The following MTHFSD variants were observed in gnomAD, a reference collection of about 807,000 sequenced individuals.
The protein encoded by MTHFSD is methenyltetrahydrofolate synthetase domain containing, also known as methenyltetrahydrofolate synthase domain-containing protein.
MTHFSD carries 37 observed loss-of-function variants against 31.1 expected under a neutral mutation model. That is an observed-to-expected ratio of 1.19 (90% CI 0.91 to 1.56). MTHFSD has a LOEUF of 1.56. Among genes scored for constraint, MTHFSD ranks in the 40% most tolerant of loss-of-function variants. MTHFSD has a pLI of 0.00. For missense variants in MTHFSD, 664 were observed against 510.1 expected (o/e 1.30, Z -2.91); for synonymous variants, 221 against 206.9 (o/e 1.07, Z -0.59).
chr16:86,537,456 A>G (rs529914370), intron 7 of MTHFSD, among the ~76,000 whole-genome samples: 38 of 152,214 alleles, frequency 2.5e-4, no homozygotes, highest in Non-Finnish European at 3.8e-4. Context: ...AGAGATTCAG[A>G]TAAGTCCTTA....
At position 86,548,681 on chromosome 16, in the gene MTHFSD, T is replaced by C. The variant is rs1053778156; in HGVS notation, c.238-104A>G. On this transcript the variant is annotated intron_variant, in intron 3 of 7. Coordinates refer to ENST00000360900, the MANE Select transcript of MTHFSD (RefSeq NM_001159377.2). Reference sequence around the variant, plus strand: ...CAGGAGAAGAGGCAAATTACTATTATCCGCATGGTTTTTTTTGGTGTGTGC... The same window carrying C: ...CAGGAGAAGAGGCAAATTACTATTACCCGCATGGTTTTTTTTGGTGTGTGC... 3.4e-6 allele frequency: 3 copies of C among 875,638 alleles called. No individual in the cohort carries two copies. In the African/African-American group the frequency reaches 5.2e-5, roughly 15 times the overall value. 54.2% of individuals were successfully genotyped at this position (875,638 alleles called of 1,614,324 possible).
chr16:86,540,956 A>G (rs1284204291), intron 7 of MTHFSD: 4 of 1,171,414 alleles, frequency 3.4e-6, no homozygotes, highest in Non-Finnish European at 4.3e-6. Context: ...TCATCCTTAG[A>G]GGTGATGTTG....
rs373255228 is a variant in MTHFSD at position 86,537,308 on chromosome 16, G to T, written c.681+4389C>A. 6.6e-5 allele frequency among the ~76,000 whole-genome samples: 10 copies of T among 152,162 alleles called. 1 individual carries two copies. Among genetic ancestry groups the T allele is most frequent in the East Asian group, 3.9e-4 (2 of 5,176 alleles). On this transcript the variant is annotated intron_variant, in intron 7 of 7. Transcript: ENST00000360900. ...AGCAGAATATGAAATTCCATATCAAGCATGTATAATATCATATCGTGCCTT... is the reference window on the plus strand; with the variant it reads ...AGCAGAATATGAAATTCCATATCAATCATGTATAATATCATATCGTGCCTT...
At chr16:86,545,199 A>G (rs554777474) in intron 5 of MTHFSD, among the ~76,000 whole-genome samples, 5 of 152,210 alleles carry the variant, frequency 3.3e-5, no homozygotes, top group African/African-American at 9.6e-5. Flanking sequence ...CTACACATGT[A>G]TCCCGGAACT....
At chr16:86,554,159 A>T (rs913911657) in intron 2 of MTHFSD, among the ~76,000 whole-genome samples, 1 of 152,088 alleles carries the variant, frequency 6.6e-6, no homozygotes, top group African/African-American at 2.4e-5. Flanking sequence ...CTTTGCAATA[A>T]ATCTTGCTGC....
At chr16:86,547,069 C>G in intron 4 of MTHFSD, 1 of 735,232 alleles carries the variant, frequency 1.4e-6, no homozygotes, top group Non-Finnish European at 1.7e-6. Flanking sequence ...AGGGACACCA[C>G]CCTCTGCCTC....
chr16:86,549,660 A>G (rs1972850147), intron 3 of MTHFSD, among the ~76,000 whole-genome samples: 1 of 152,224 alleles, frequency 6.6e-6, no homozygotes, highest in African/African-American at 2.4e-5. Context: ...TAGAATCACC[A>G]GCAAGCTTTA....
chr16:86,544,509 A>T (rs1007602169), intron 5 of MTHFSD, among the ~76,000 whole-genome samples: 2 of 152,260 alleles, frequency 1.3e-5, no homozygotes, highest in African/African-American at 4.8e-5. Context: ...AGAGGAATGC[A>T]AATCAAAACC....
chr16:86,541,206 T>C, intron 7 of MTHFSD: 1 of 1,287,978 alleles, frequency 7.8e-7, no homozygotes. Context: ...AATCTGGAGA[T>C]AAAAACCACA....
chr16:86,554,571 G>A, intron 2 of MTHFSD, 74 bp downstream of exon 2: 1 of 1,162,608 alleles, frequency 8.6e-7, no homozygotes, highest in Non-Finnish European at 1.3e-6. Flanking sequence ...CGCAGTAAGA[G>A]AATTTTATTA....
At position 86,532,012 on chromosome 16, in the gene MTHFSD, C is replaced by T. The variant is rs905510226; in HGVS notation, c.1151G>A (p.Ter384=). Residue 384 remains the stop codon, a stop_retained_variant, in exon 8 of 8, where the codon TGA becomes TAA. Coordinates refer to ENST00000360900, the MANE Select transcript of MTHFSD (RefSeq NM_001159377.2). ...TGAGCTCCGTGGCTGTCCACGAGGT[C>T]ACTTGTCCCTCTGCTGCCTGGCCAG... is the stretch of plus-strand genomic sequence containing the variant. ...VALARQQRDK[*] 26 of 1,469,536 alleles carry T rather than the reference C, an allele frequency of 1.8e-5. No homozygotes were observed. The highest frequency in any genetic ancestry group is 2.8e-5 in the African/African-American group (2 of 70,264). 91.0% of individuals were successfully genotyped at this position (1,469,536 alleles called of 1,614,324 possible).
intron 2 of MTHFSD, among the ~76,000 whole-genome samples, chr16:86,554,028 C>T (rs1973632452): frequency 6.6e-6 from 1 of 152,122 alleles, no homozygotes; most frequent in South Asian, 2.1e-4. Flanking sequence ...CCAATCGGCT[C>T]TCTGTAAAAT....
Position 86,551,909 on chromosome 16 carries a change from AT to A in MTHFSD, c.237+123del, listed in dbSNP as rs543467986. On this transcript the variant is annotated intron_variant, in intron 3 of 7. Transcript: ENST00000360900. ...AATCACCACCAAGGGCACTTTCTGT[AT>A]TGGAGGGAATCGGAAGCACCGACTT... 171 of 1,504,124 alleles carry A rather than the reference AT, an allele frequency of 1.1e-4. 4 individuals are homozygous for A. In the South Asian group the frequency reaches 2.1e-3, roughly 19 times the overall value. 93.2% of individuals were successfully genotyped at this position (1,504,124 alleles called of 1,614,324 possible).
intron 7 of MTHFSD, chr16:86,535,319 T>C (rs1161633212): frequency 1.2e-5 from 1 of 85,942 alleles, no homozygotes; most frequent in East Asian, 7.0e-4. Flanking sequence ...TCCCTCCTCC[T>C]CAAGCTCTAA....
chr16:86,555,187 T>G lies in MTHFSD; in HGVS notation c.-3A>C, dbSNP rs999202724. ...CCCCCACCTGCCCTCGGCTCCATGG[T>G]GATGCAGTCGCTGTGCGACGCTTCC... On this transcript the variant is annotated 5_prime_UTR_variant, in exon 1 of 8. Transcript: ENST00000360900. 42 of 1,537,116 alleles carry G rather than the reference T, an allele frequency of 2.7e-5. No individual in the cohort carries two copies. Among genetic ancestry groups the G allele is most frequent in the Admixed American group, 5.9e-5 (3 of 51,062 alleles).
rs754650130 is a variant in MTHFSD, at chr16:86,554,664, T to G, written c.104A>C (p.His35Pro). 2.5e-6 allele frequency: 4 copies of G among 1,614,118 alleles called. No homozygotes were observed. The East Asian group carries it at 8.9e-5, about 36-fold the overall frequency. The stretch of plus-strand genomic sequence containing the variant: ...CAGTACCTTAAAGTTGGGTATCCTG[T>G]GATGAACAGGTCGGGGAAAGTCAGC... Reference protein sequence around the residue: ...NLADFPRPVHHRIPNFKGSYL... With the variant: ...NLADFPRPVHPRIPNFKGSYL... The change falls in exon 2 of 8, where the codon CAC (histidine) becomes CCC (proline). Residue 35 changes from histidine to proline, a missense_variant. His to Pro is a moderately conservative substitution (Grantham distance 77, BLOSUM62 -2). Coordinates refer to ENST00000360900, the MANE Select transcript of MTHFSD (RefSeq NM_001159377.2).
At chr16:86,541,537 G>C in intron 7 of MTHFSD, 160 bp downstream of exon 7, 2 of 970,572 alleles carry the variant, frequency 2.1e-6, no homozygotes, top group East Asian at 2.6e-5. Flanking sequence ...CCTGGGCCTG[G>C]ACATGGTCAT....
At chr16:86,548,605 T>A in intron 3 of MTHFSD, 28 bp from the exon 4 acceptor site, 1 of 1,556,820 alleles carries the variant, frequency 6.4e-7, no homozygotes, top group Non-Finnish European at 8.8e-7. Context: ...ATCAATAAAT[T>A]ACAAAATCAA....
At position 86,532,108 on chromosome 16, in the gene MTHFSD, G is replaced by C; in HGVS notation, c.1055C>G (p.Ser352Cys). ...GGAGACGGCCTGCTGGGCTGCGGCA[G>C]AGTCCGGGTAATGGAGGAAGGCTCT... is the stretch of plus-strand genomic sequence containing the variant. Reference protein sequence around the residue: ...RRRAFLHYPDSAAAQQAVSCL... With the variant: ...RRRAFLHYPDCAAAQQAVSCL... The change falls in exon 8 of 8, where the codon TCT (serine) becomes TGT (cysteine). Residue 352 changes from serine (S) to cysteine (C), a missense_variant. Physicochemically the swap from Ser to Cys is moderately radical, Grantham distance 112 (BLOSUM62 -1). Coordinates refer to ENST00000360900, the MANE Select transcript of MTHFSD (RefSeq NM_001159377.2). The C allele has an allele frequency of 1.3e-6, 2 of 1,543,182 alleles. No individual in the cohort carries two copies. The highest frequency in any genetic ancestry group is 1.7e-6 in the Non-Finnish European group (2 of 1,143,110).
Sources: allele counts gnomAD v4.1 joint callset (sites outside exome capture counted in the v4.1 genomes callset), GRCh38; gene constraint gnomAD v4.1.1; transcripts MANE v1.5; gene names NCBI Gene and HGNC (gene_info 2026-07-23, HGNC 2026-07-21).